Variants in TGFBR3 observed in about 807,000 individuals in gnomAD.
The protein encoded by TGFBR3 is transforming growth factor beta receptor type 3.
A neutral mutation model predicts 87.9 loss-of-function variants in TGFBR3; 46 were observed. That is an observed-to-expected ratio of 0.52 (90% CI 0.41 to 0.67). The LOEUF (loss-of-function observed/expected upper bound fraction) is 0.67, where lower values mean the gene tolerates loss of function less well. Among genes scored for constraint, TGFBR3 ranks in the 30% least tolerant of loss-of-function variants. The probability of loss-of-function intolerance (pLI) is 0.00; values close to 1 mark genes in which losing one functional copy is unlikely to be tolerated. For synonymous variants in TGFBR3, 381 were observed against 391.6 expected, an observed-to-expected ratio of 0.97 and a Z score of 0.32; for missense variants, 866 against 1,041.9, an observed-to-expected ratio of 0.83 and a Z score of 2.32.
intron 2 of TGFBR3, among the ~76,000 whole-genome samples, chr1:91,856,770 G>A (rs780558791): frequency 2.0e-4 from 30 of 152,150 alleles, no homozygotes; most frequent in Non-Finnish European, 3.7e-4. Context: ...AGGCCAAAGG[G>A]GCTTAATCTG....
chr1:91,813,743 G>A (rs944533933), intron 2 of TGFBR3, among the ~76,000 whole-genome samples: 46 of 152,270 alleles, frequency 3.0e-4, no homozygotes, highest in African/African-American at 1.1e-3. Flanking sequence ...CCACCCAAAG[G>A]CCCCTCTATG....
At chr1:91,896,606 C>T (rs775851819) in intron 2 of TGFBR3, among the ~76,000 whole-genome samples, 1 of 152,136 alleles carries the variant, frequency 6.6e-6, no homozygotes, top group Non-Finnish European at 1.5e-5. Flanking sequence ...ATAAATCAAA[C>T]CCCCTAGGCT....
At chr1:91,721,605 G>C (rs1672370357) in intron 8 of TGFBR3, among the ~76,000 whole-genome samples, 1 of 152,176 alleles carries the variant, frequency 6.6e-6, no homozygotes, top group African/African-American at 2.4e-5. Flanking sequence ...TTTCCTAAAA[G>C]ATACAGCCTT....
intron 2 of TGFBR3, among the ~76,000 whole-genome samples, chr1:91,837,294 G>A (rs142360375): frequency 0.01 from 1,545 of 152,192 alleles, 27 homozygotes; most frequent in African/African-American, 0.036. Flanking sequence ...CGCCCAGGCT[G>A]GAGTGCAGTG....
intron 2 of TGFBR3, among the ~76,000 whole-genome samples, chr1:91,807,130 C>A (rs1425688207): frequency 1.3e-5 from 2 of 152,198 alleles, no homozygotes; most frequent in African/African-American, 4.8e-5. Flanking sequence ...TTCATTGGAA[C>A]TACAGCGCCT....
At chr1:91,784,624 C>T (rs1035621730) in intron 3 of TGFBR3, among the ~76,000 whole-genome samples, 1 of 152,146 alleles carries the variant, frequency 6.6e-6, no homozygotes, top group African/African-American at 2.4e-5. Context: ...TGGTGAAGAG[C>T]TAAGACCTAA....
At chr1:91,833,306 A>AAC (rs1290780491) in intron 2 of TGFBR3, among the ~76,000 whole-genome samples, 16 of 145,666 alleles carry the variant, frequency 1.1e-4, no homozygotes, top group Admixed American at 1.4e-4. Flanking sequence ...AAAAAAAAAA[A>AAC]AAAAAAAAAA....
intron 4 of TGFBR3, among the ~76,000 whole-genome samples, chr1:91,751,258 A>G (rs923072373): frequency 2.6e-5 from 4 of 152,244 alleles, no homozygotes; most frequent in Non-Finnish European, 5.9e-5. Flanking sequence ...AATAGAATAC[A>G]GAATTTTTTT....
intron 4 of TGFBR3, among the ~76,000 whole-genome samples, chr1:91,749,726 C>T (rs952076100): frequency 3.9e-5 from 6 of 152,108 alleles, no homozygotes; most frequent in African/African-American, 1.4e-4. Flanking sequence ...AATTTATGAG[C>T]GGAACAAGGC....
chr1:91,701,945 C>T (rs1671633510), intron 14 of TGFBR3, among the ~76,000 whole-genome samples: 1 of 152,172 alleles, frequency 6.6e-6, no homozygotes, highest in African/African-American at 2.4e-5. Flanking sequence ...ATTACTTGTT[C>T]ACTTATCTGT....
intron 3 of TGFBR3, among the ~76,000 whole-genome samples, chr1:91,778,473 A>C (rs960153463): frequency 6.6e-6 from 1 of 152,134 alleles, no homozygotes; most frequent in African/African-American, 2.4e-5. Flanking sequence ...TTTTATTAAG[A>C]CTCACAATCC....
intron 2 of TGFBR3, among the ~76,000 whole-genome samples, chr1:91,897,395 T>A (rs191314447): frequency 4.6e-5 from 7 of 152,320 alleles, no homozygotes; most frequent in African/African-American, 1.7e-4. Flanking sequence ...CTTTGGGAAA[T>A]CTCATGTACA....
intron 15 of TGFBR3, among the ~76,000 whole-genome samples, chr1:91,697,688 A>G (rs916131266): frequency 6.6e-6 from 1 of 152,230 alleles, no homozygotes; most frequent in African/African-American, 2.4e-5. Flanking sequence ...TTCCCTTAGC[A>G]TTACGCCTCT....
intron 16 of TGFBR3, among the ~76,000 whole-genome samples, chr1:91,689,345 C>G (rs1021244644): frequency 1.2e-4 from 19 of 152,186 alleles, no homozygotes; most frequent in African/African-American, 4.6e-4. Context: ...CTGAGCCAAT[C>G]TGCTTATAAT....
At chr1:91,780,747 C>T (rs1196531904) in intron 3 of TGFBR3, among the ~76,000 whole-genome samples, 11 of 151,482 alleles carry the variant, frequency 7.3e-5, no homozygotes, top group Admixed American at 1.3e-4. Context: ...TTAGTAGAGA[C>T]GGGTTTCACC....
chr1:91,713,570 A>T (rs1036422082), intron 12 of TGFBR3, among the ~76,000 whole-genome samples: 4 of 152,204 alleles, frequency 2.6e-5, no homozygotes, highest in African/African-American at 9.6e-5. Flanking sequence ...AAAGACATGG[A>T]GATAGAAACA....
chr1:91,715,907 G>A (rs1311928899), intron 12 of TGFBR3, among the ~76,000 whole-genome samples: 1 of 151,802 alleles, frequency 6.6e-6, no homozygotes, highest in African/African-American at 2.4e-5. Context: ...ATATTCCATG[G>A]TTAACTCTAA....
At chr1:91,821,019 G>A (rs1676429702) in intron 2 of TGFBR3, among the ~76,000 whole-genome samples, 1 of 151,968 alleles carries the variant, frequency 6.6e-6, no homozygotes. Context: ...AAAAGTAATT[G>A]CAGTTTTTTC....
At chr1:91,849,950 C>T (rs1037296587) in intron 2 of TGFBR3, among the ~76,000 whole-genome samples, 1 of 151,704 alleles carries the variant, frequency 6.6e-6, no homozygotes. Context: ...GGCATGGTGG[C>T]GGGTGCCTGT....
Sources: gnomAD v4.1 joint callset for allele counts (sites outside exome capture counted in the v4.1 genomes callset) on GRCh38, gnomAD v4.1.1 for gene constraint, MANE v1.5 for transcripts, NCBI Gene and HGNC (gene_info 2026-07-23, HGNC 2026-07-21) for gene names.